PRH1: variants seen among roughly 807,000 people sequenced by gnomAD.
PRH1 encodes salivary acidic proline-rich phosphoprotein 1/2.
A neutral mutation model predicts 7.9 loss-of-function variants in PRH1; 7 were observed. The observed-to-expected ratio is 0.89, with a 90% CI of 0.50 to 1.67. The LOEUF is 1.67. Ranked by LOEUF, PRH1 falls within the 40% of genes most tolerant of loss-of-function variation. The pLI, the probability that PRH1 is intolerant of heterozygous loss-of-function variation, is 0.00. For synonymous variants in PRH1, 45 were observed against 80.8 expected, an observed-to-expected ratio of 0.56 and a Z score of 2.38; for missense variants, 109 against 223.6, an observed-to-expected ratio of 0.49 and a Z score of 3.27.
intron 1 of PRH1, among the ~76,000 whole-genome samples, chr12:11,168,750 TAAAAA>T (rs1947715746): frequency 6.6e-6 from 1 of 152,116 alleles, no homozygotes; most frequent in Non-Finnish European, 1.5e-5. Flanking sequence ...CAGTACATGA[TAAAAA>T]GAAAATAAGA....
intron 1 of PRH1, among the ~76,000 whole-genome samples, chr12:11,132,232 C>T (rs753839563): frequency 1.0e-4 from 8 of 79,676 alleles, no homozygotes; most frequent in African/African-American, 2.4e-4. Flanking sequence ...TACACTAGGA[C>T]AAATCCCATA....
chr12:11,171,545 A>G (rs1947845763), upstream of PRH1: 1 of 1,232,056 alleles, frequency 8.1e-7, no homozygotes, highest in Admixed American at 4.2e-5. Flanking sequence ...TCAACATCCG[A>G]TTGCAGGTAC....
At chr12:10,930,462 T>A (rs763329235) in intron 2 of PRH1, among the ~76,000 whole-genome samples, 2 of 152,108 alleles carry the variant, frequency 1.3e-5, no homozygotes, top group Admixed American at 1.3e-4. Flanking sequence ...CTGGGGACCA[T>A]GAGTAAAGAA....
chr12:11,162,950 A>C (rs1947459552), intron 1 of PRH1, among the ~76,000 whole-genome samples: 1 of 152,220 alleles, frequency 6.6e-6, no homozygotes, highest in African/African-American at 2.4e-5. Context: ...TGTAAAAAGA[A>C]ATGAGAAAGA....
At chr12:11,033,357 ACT>A (rs757029975) in intron 1 of PRH1, among the ~76,000 whole-genome samples, 2 of 150,438 alleles carry the variant, frequency 1.3e-5, no homozygotes, top group Non-Finnish European at 3.0e-5. Context: ...ACACAGCAAG[ACT>A]CTGTCAAAAA....
chr12:10,889,859 A>G (rs1949545950), intron 2 of PRH1, among the ~76,000 whole-genome samples: 1 of 152,010 alleles, frequency 6.6e-6, no homozygotes, highest in Non-Finnish European at 1.5e-5. Context: ...TGTTTTCTTA[A>G]TTTATAATTT....
chr12:11,012,107 A>C (rs902696436), intron 1 of PRH1, among the ~76,000 whole-genome samples: 8 of 152,136 alleles, frequency 5.3e-5, no homozygotes, highest in African/African-American at 1.9e-4. Flanking sequence ...TGGGCACTTA[A>C]AAAACATGTG....
At chr12:10,931,353 C>T (rs1565479623) in intron 2 of PRH1, among the ~76,000 whole-genome samples, 1 of 152,154 alleles carries the variant, frequency 6.6e-6, no homozygotes, top group Non-Finnish European at 1.5e-5. Flanking sequence ...CTCCCTTTGG[C>T]ACTCTGTTTC....
intron 2 of PRH1, among the ~76,000 whole-genome samples, chr12:10,959,949 A>G (rs562192357): frequency 3.4e-4 from 52 of 152,322 alleles, no homozygotes; most frequent in Non-Finnish European, 7.3e-4. Flanking sequence ...CCAGTGAACA[A>G]CAATAAAATC....
chr12:11,028,848 G>A (rs1418543730), intron 1 of PRH1, among the ~76,000 whole-genome samples: 1 of 131,128 alleles, frequency 7.6e-6, no homozygotes, highest in Admixed American at 7.9e-5. Context: ...TTTTCCTTAG[G>A]AGAAGGATTC....
At chr12:10,991,367 T>C (rs905314355) in intron 1 of PRH1, among the ~76,000 whole-genome samples, 17 of 152,118 alleles carry the variant, frequency 1.1e-4, no homozygotes, top group Non-Finnish European at 2.1e-4. Context: ...ACTTATATCA[T>C]TTTTTTCTAT....
intron 1 of PRH1, among the ~76,000 whole-genome samples, chr12:11,039,854 C>CTTATATTT (rs1363731698): frequency 7.2e-4 from 109 of 151,880 alleles, no homozygotes; most frequent in Middle Eastern, 3.4e-3. Context: ...TACTCACCCC[C>CTTATATTT]TCATGGATAG....
At chr12:11,071,760 A>C (rs1944080068) in intron 1 of PRH1, among the ~76,000 whole-genome samples, 2 of 152,058 alleles carry the variant, frequency 1.3e-5, no homozygotes, top group Admixed American at 1.3e-4. Context: ...GACAAGCAAA[A>C]CATACATGTC....
intron 1 of PRH1, among the ~76,000 whole-genome samples, chr12:11,158,309 C>T (rs1039760848): frequency 6.6e-6 from 1 of 152,144 alleles, no homozygotes; most frequent in East Asian, 1.9e-4. Flanking sequence ...AGTAGCACTA[C>T]ACATCCACAA....
chr12:11,099,410 C>G (rs1945165184), intron 1 of PRH1, among the ~76,000 whole-genome samples: 2 of 152,110 alleles, frequency 1.3e-5, no homozygotes, highest in African/African-American at 4.8e-5. Flanking sequence ...TCACCAGAGC[C>G]ATCCATCAAA....
chr12:11,140,220 GT>G (rs1386285793), intron 1 of PRH1, among the ~76,000 whole-genome samples: 1 of 151,760 alleles, frequency 6.6e-6, no homozygotes, highest in Non-Finnish European at 1.5e-5. Context: ...AAATATAATT[GT>G]TAACAGCACT....
chr12:11,056,350 T>C (rs1349474566), intron 1 of PRH1, among the ~76,000 whole-genome samples: 1 of 152,260 alleles, frequency 6.6e-6, no homozygotes, highest in Non-Finnish European at 1.5e-5. Context: ...TTTAGATGAA[T>C]AGATGTTAAA....
chr12:11,158,955 T>G (rs923089837), intron 1 of PRH1: 1 of 152,068 alleles, frequency 6.6e-6, no homozygotes, highest in African/African-American at 2.4e-5. Flanking sequence ...TCAAGGAAGA[T>G]CCAATCTCCT....
intron 2 of PRH1, among the ~76,000 whole-genome samples, chr12:10,967,777 A>G (rs1467413751): frequency 6.6e-6 from 1 of 152,106 alleles, no homozygotes; most frequent in Non-Finnish European, 1.5e-5. Context: ...CAAATACACC[A>G]TTGTATTCCA....
Sources: gnomAD v4.1 joint callset for allele counts (sites outside exome capture counted in the v4.1 genomes callset) on GRCh38, gnomAD v4.1.1 for gene constraint, MANE v1.5 for transcripts, NCBI Gene and HGNC (gene_info 2026-07-23, HGNC 2026-07-21) for gene names.